PTPN13: variants seen among roughly 807,000 people sequenced by gnomAD.
PTPN13 encodes tyrosine-protein phosphatase non-receptor type 13.
Under a neutral mutation model 284.0 loss-of-function variants are expected in PTPN13, and 191 were observed. The ratio of observed to expected loss-of-function variants is 0.67; its 90% CI spans 0.60 to 0.76. The LOEUF is 0.76. Ranked by LOEUF, PTPN13 falls within the 30% of genes least tolerant of loss-of-function variation. The pLI is 0.00. For missense variants in PTPN13, 2,797 were observed against 2,939.9 expected, an observed-to-expected ratio of 0.95 and a Z score of 1.12; for synonymous variants, 986 against 1,022.3, an observed-to-expected ratio of 0.96 and a Z score of 0.68.
At chr4:86,794,909 A>G (rs996327290) in intron 40 of PTPN13, among the ~76,000 whole-genome samples, 2 of 152,234 alleles carry the variant, frequency 1.3e-5, no homozygotes, top group Admixed American at 6.5e-5. Context: ...AAGATGGATT[A>G]AAGACGTAAA....
intron 2 of PTPN13, among the ~76,000 whole-genome samples, chr4:86,651,013 T>G (rs1460204126): frequency 6.6e-6 from 1 of 152,188 alleles, no homozygotes; most frequent in East Asian, 1.9e-4. Flanking sequence ...AGGAAAAGCT[T>G]TCAGTTTTTC....
rs940470741 is a variant in PTPN13, at chr4:86,750,694, T to C, written c.2875T>C (p.Trp959Arg). The C allele has an allele frequency of 6.2e-7, 1 of 1,613,904 alleles. No homozygotes were observed. The highest frequency in any genetic ancestry group is 1.3e-5 in the African/African-American group (1 of 75,036). ...SSKEKNDKAS[W>R]EEKPREMSKS... is the part of the protein sequence containing the mutation. ...AAAAGAGAAGAATGACAAAGCTTCATGGGAGGAAAAGCCTAGAGAGATGAG... is the reference window on the plus strand; with the variant it reads ...AAAAGAGAAGAATGACAAAGCTTCACGGGAGGAAAAGCCTAGAGAGATGAG... The change falls in exon 18 of 48, where the codon TGG becomes CGG. Residue 959 changes from tryptophan (W) to arginine (R), a missense_variant. By Grantham distance (101) the Trp-to-Arg change is moderately radical. Coordinates refer to ENST00000411767, the MANE Select transcript of PTPN13 (RefSeq NM_080683.3).
intron 2 of PTPN13, among the ~76,000 whole-genome samples, chr4:86,652,494 T>A (rs1431905415): frequency 6.6e-6 from 1 of 152,194 alleles, no homozygotes; most frequent in African/African-American, 2.4e-5. Context: ...AGTCTTTATC[T>A]CTCCTTCATG....
At chr4:86,642,927 A>G (rs1723982703) in intron 2 of PTPN13, among the ~76,000 whole-genome samples, 1 of 152,198 alleles carries the variant, frequency 6.6e-6, no homozygotes, top group East Asian at 1.9e-4. Context: ...AAGTGAGGTT[A>G]TTGCTACCTT....
At chr4:86,706,086 C>T (rs2149029461) in intron 7 of PTPN13, among the ~76,000 whole-genome samples, 2 of 152,276 alleles carry the variant, frequency 1.3e-5, no homozygotes, top group East Asian at 3.9e-4. Flanking sequence ...GCATAAGGGA[C>T]ACAAGACCTT....
chr4:86,618,602 T>C (rs573831843), intron 1 of PTPN13, among the ~76,000 whole-genome samples: 128 of 152,336 alleles, frequency 8.4e-4, no homozygotes, highest in Admixed American at 1.8e-3. Flanking sequence ...TTTTATTTCA[T>C]TGGGCAGTGG....
chr4:86,729,938 T>G (rs1734748702), intron 10 of PTPN13, among the ~76,000 whole-genome samples: 1 of 149,842 alleles, frequency 6.7e-6, no homozygotes. Context: ...TTTTTAGAAT[T>G]TTCAGCTTTT....
chr4:86,809,844 G>T lies in PTPN13; in HGVS notation c.7159G>T (p.Asp2387Tyr). ...PDHDTPSQPD[D>Y]LLTFISYMRH... The stretch of plus-strand genomic sequence containing the variant: ...CCATGATACACCTTCTCAACCAGAT[G>T]ATCTGCTTACTTTTATCTCCTACAT... The change falls in exon 46 of 48, where the codon GAT becomes TAT. Residue 2387 changes from aspartate (D) to tyrosine (Y), a missense_variant. Coordinates refer to ENST00000411767, the MANE Select transcript of PTPN13 (RefSeq NM_080683.3). The T allele has an allele frequency of 6.2e-7, 1 of 1,613,972 alleles. No individual in the cohort carries two copies. Among genetic ancestry groups the T allele is most frequent in the Non-Finnish European group, 8.5e-7 (1 of 1,179,878 alleles).
chr4:86,608,900 C>T (rs551141161), intron 1 of PTPN13, among the ~76,000 whole-genome samples: 17 of 152,226 alleles, frequency 1.1e-4, no homozygotes, highest in African/African-American at 4.1e-4. Context: ...TTTACAGAGC[C>T]CCAAACTGTT....
chr4:86,684,280 A>G (rs372946839), intron 3 of PTPN13, among the ~76,000 whole-genome samples: 18 of 152,316 alleles, frequency 1.2e-4, no homozygotes, highest in African/African-American at 4.3e-4. Flanking sequence ...GGGGAACATC[A>G]TCACTGGCCT....
intron 3 of PTPN13, among the ~76,000 whole-genome samples, chr4:86,674,495 T>TA (rs1301538856): frequency 6.6e-6 from 1 of 152,174 alleles, no homozygotes; most frequent in Admixed American, 6.5e-5. Flanking sequence ...GTGACTAAGC[T>TA]AAAGGAAGGC....
rs1737267498 is a variant in PTPN13 at position 86,750,547 on chromosome 4, G to A, written c.2728G>A (p.Gly910Ser). 1 of 1,613,966 alleles carries A rather than the reference G, an allele frequency of 6.2e-7. No individual in the cohort carries two copies. Among genetic ancestry groups the A allele is most frequent in the East Asian group, 2.2e-5 (1 of 44,878 alleles). The stretch of plus-strand genomic sequence containing the variant: ...TAATATGGGACGAGCAATCAGCACT[G>A]GCAGTCTGGCCAGCAGCACCCTCAA... ...GFNMGRAISTGSLASSTLNKL... is the reference protein window; with the variant it reads ...GFNMGRAISTSSLASSTLNKL... The change falls in exon 18 of 48, where the codon GGC (glycine) becomes AGC (serine). Residue 910 changes from glycine to serine, a missense_variant. Physicochemically the swap from Gly to Ser is moderately conservative, Grantham distance 56 (BLOSUM62 0). Transcript: ENST00000411767.
At chr4:86,639,268 G>A (rs1421126349) in intron 2 of PTPN13, among the ~76,000 whole-genome samples, 1 of 152,068 alleles carries the variant, frequency 6.6e-6, no homozygotes, top group Non-Finnish European at 1.5e-5. Flanking sequence ...AGTCAATGTG[G>A]CGATTCCTCA....
At chr4:86,613,162 T>G (rs948370838) in intron 1 of PTPN13, among the ~76,000 whole-genome samples, 3 of 152,220 alleles carry the variant, frequency 2.0e-5, no homozygotes, top group African/African-American at 7.2e-5. Context: ...GAAATAATAA[T>G]GGCTAACATT....
In PTPN13 at chr4:86,774,514, G is replaced by A. The variant is rs1192131229; in HGVS notation, c.5491G>A (p.Gly1831Arg). The change falls in exon 33 of 48, where the codon GGG becomes AGG. Residue 1831 changes from glycine to arginine, a missense_variant. Gly to Arg is a moderately radical substitution (Grantham distance 125, BLOSUM62 -2). Transcript: ENST00000411767. ...PAKSDGRLKPGDRLIKVNDTD... is the reference protein window; with the variant it reads ...PAKSDGRLKPRDRLIKVNDTD... ...CAAAAGTGATGGAAGGCTAAAACCT[G>A]GGGACCGGCTCATAAAGGTGAGACA... The A allele has an allele frequency of 1.2e-6, 2 of 1,600,646 alleles. No homozygotes were observed. Among genetic ancestry groups the A allele is most frequent in the African/African-American group, 2.7e-5 (2 of 74,710 alleles).
At chr4:86,749,398 A>G (rs1737144215) in intron 17 of PTPN13, among the ~76,000 whole-genome samples, 1 of 152,152 alleles carries the variant, frequency 6.6e-6, no homozygotes, top group South Asian at 2.1e-4. Context: ...CAGTTGTTGT[A>G]TGTAGCAGTC....
chr4:86,598,505 A>ACGCT (rs1554288405), intron 1 of PTPN13, among the ~76,000 whole-genome samples: 2 of 152,178 alleles, frequency 1.3e-5, no homozygotes, highest in African/African-American at 4.8e-5. Flanking sequence ...GTGCAAGCTG[A>ACGCT]CAGTATTTAG....
At chr4:86,759,803 A>G (rs1441052459) in intron 23 of PTPN13, among the ~76,000 whole-genome samples, 1 of 152,222 alleles carries the variant, frequency 6.6e-6, no homozygotes, top group Non-Finnish European at 1.5e-5. Flanking sequence ...ATTAAATGAG[A>G]TAATACATGT....
At chr4:86,671,073 C>G (rs567718770) in intron 2 of PTPN13, among the ~76,000 whole-genome samples, 2 of 152,294 alleles carry the variant, frequency 1.3e-5, no homozygotes, top group South Asian at 4.1e-4. Context: ...ACACATTTTT[C>G]TTCTTTGACA....
Sources: allele counts gnomAD v4.1 joint callset (sites outside exome capture counted in the v4.1 genomes callset), GRCh38; gene constraint gnomAD v4.1.1; transcripts MANE v1.5; gene names NCBI Gene and HGNC (gene_info 2026-07-23, HGNC 2026-07-21).